Variants in SPICE1 observed in about 807,000 individuals in gnomAD.
SPICE1 encodes the protein spindle and centriole associated protein 1, also known as spindle and centriole-associated protein 1.
In SPICE1, 75 loss-of-function variants were observed where a neutral mutation model predicts 102.7. The observed-to-expected ratio is 0.73, with a 90% confidence interval of 0.61 to 0.88. SPICE1 has a LOEUF of 0.88. SPICE1 is among the 40% of genes least tolerant of loss of function. The pLI is 0.00. For synonymous variants in SPICE1, 308 were observed against 350.3 expected (o/e 0.88, Z 1.35); for missense variants, 979 against 1,020.1 (o/e 0.96, Z 0.55).
At chr3:113,452,291 C>T (rs1244374895) in intron 14 of SPICE1, among the ~76,000 whole-genome samples, 4 of 152,238 alleles carry the variant, frequency 2.6e-5, no homozygotes, top group Non-Finnish European at 5.9e-5. Context: ...TAGAAATGCA[C>T]AGGTCCTACC....
chr3:113,491,391 C>T (rs970065960), intron 6 of SPICE1, among the ~76,000 whole-genome samples: 2 of 151,622 alleles, frequency 1.3e-5, no homozygotes, highest in Admixed American at 6.6e-5. Context: ...GAGGCCGAGG[C>T]GGGCGGATCA....
intron 13 of SPICE1, among the ~76,000 whole-genome samples, chr3:113,455,429 TAA>T (rs1481564555): frequency 2.0e-5 from 3 of 152,196 alleles, no homozygotes; most frequent in African/African-American, 7.2e-5. Context: ...TATTCAAATT[TAA>T]GTTAATTAAA....
At chr3:113,484,057 T>C (rs2107484957) in intron 7 of SPICE1, among the ~76,000 whole-genome samples, 1 of 152,314 alleles carries the variant, frequency 6.6e-6, no homozygotes, top group East Asian at 1.9e-4. Context: ...ATTTCAGAAC[T>C]TGTTATTGGT....
chr3:113,499,705 T>G (rs1576647322), intron 3 of SPICE1, 123 bp from the exon 4 acceptor site: 1 of 956,690 alleles, frequency 1.0e-6, no homozygotes, highest in Non-Finnish European at 1.4e-6. Flanking sequence ...AATATGTGCA[T>G]GTTTATATAT....
intron 4 of SPICE1, among the ~76,000 whole-genome samples, chr3:113,495,565 C>A (rs1936864384): frequency 6.6e-6 from 1 of 152,208 alleles, no homozygotes; most frequent in African/African-American, 2.4e-5. Flanking sequence ...GTCAACAACC[C>A]TTCCCCAGCC....
At position 113,499,326 on chromosome 3, in the gene SPICE1, A is replaced by G. The variant is rs186332474; in HGVS notation, c.291+113T>C. 1.8e-4 allele frequency: 207 copies of G among 1,153,656 alleles called. 2 individuals carry two copies. In the East Asian group the frequency reaches 5.0e-3, roughly 28 times the overall value. The allele number at this position is 1,153,656 out of a possible 1,614,324, so 71.5% of individuals were successfully genotyped here. A position where few individuals can be genotyped will look rare whatever the true frequency, so the allele number is the denominator to read the frequency against. ...TTGAAGTCCACATGTAGATTATTGA[A>G]TAAGAATGCAGTGATTACTAGAGTC... On this transcript the variant is annotated intron_variant, in intron 4 of 17. Transcript: ENST00000295872.
intron 4 of SPICE1, 66 bp downstream of exon 4, chr3:113,499,373 A>C (rs775193522): frequency 3.3e-6 from 5 of 1,510,284 alleles, no homozygotes; most frequent in Non-Finnish European, 4.5e-6. Flanking sequence ...AATCAAATTG[A>C]AGAAAAACAA....
chr3:113,448,266 G>C, intron 15 of SPICE1, 126 bp from the exon 16 acceptor site: 1 of 770,654 alleles, frequency 1.3e-6, no homozygotes, highest in Non-Finnish European at 1.9e-6. Context: ...TTTAATCTTA[G>C]CCCAAGATAC....
chr3:113,446,601 A>T lies in SPICE1; in HGVS notation c.2502T>A (p.Asn834Lys). The T allele has an allele frequency of 6.2e-7, 1 of 1,613,276 alleles. No homozygotes were observed. Among genetic ancestry groups the T allele is most frequent in the Non-Finnish European group, 8.5e-7 (1 of 1,179,492 alleles). Residue 834 changes from asparagine (N) to lysine (K), a missense_variant, in exon 17 of 18, where the codon AAT becomes AAA. By Grantham distance (94) the Asn-to-Lys change is moderately conservative. Coordinates refer to ENST00000295872, the MANE Select transcript of SPICE1 (RefSeq NM_144718.4). ...TTTTAACGTGTACCTTTGCTCTTGG[A>T]TTAAGAGGTGTGAATCTCCCACTTC... is the stretch of plus-strand genomic sequence containing the variant. Reference protein sequence around the residue: ...TSGSGRFTPLNPRAKIEKQNE... With the variant: ...TSGSGRFTPLKPRAKIEKQNE...
chr3:113,481,521 C>T (rs1264905761), intron 7 of SPICE1, among the ~76,000 whole-genome samples: 2 of 151,894 alleles, frequency 1.3e-5, no homozygotes, highest in Non-Finnish European at 2.9e-5. Context: ...ACCCATCAAC[C>T]TGTCACCTAC....
chr3:113,457,068 G>T, intron 13 of SPICE1, 68 bp downstream of exon 13: 1 of 1,450,472 alleles, frequency 6.9e-7, no homozygotes, highest in Non-Finnish European at 9.5e-7. Context: ...ATGTAATGGT[G>T]AAAGTAATAC....
intron 7 of SPICE1, among the ~76,000 whole-genome samples, chr3:113,483,222 A>G (rs772818894): frequency 1.1e-4 from 17 of 152,180 alleles, no homozygotes; most frequent in Non-Finnish European, 4.4e-5. Context: ...TTATTGGTGT[A>G]TAAGAATGCT....
rs2107447084 is a variant in SPICE1, at chr3:113,453,878, T to C, written c.1730A>G (p.Gln577Arg). The C allele has an allele frequency of 1.9e-6, 3 of 1,614,222 alleles. No homozygotes were observed. Among genetic ancestry groups the C allele is most frequent in the East Asian group, 2.2e-5 (1 of 44,882 alleles). Residue 577 changes from glutamine (Q) to arginine (R), a missense_variant, in exon 14 of 18, where the codon CAA (glutamine) becomes CGA (arginine). Transcript: ENST00000295872. ...PPTVEIIEKE[Q>R]NWEEKTLPID... ...AGGTAAGGTCTTCTCTTCCCAATTTTGTTCCTTCTCAATTATTTCCACAGT... is the reference window on the plus strand; with the variant it reads ...AGGTAAGGTCTTCTCTTCCCAATTTCGTTCCTTCTCAATTATTTCCACAGT...
At chr3:113,489,152 T>C in intron 6 of SPICE1, 89 bp from the exon 7 acceptor site, 1 of 761,818 alleles carries the variant, frequency 1.3e-6, no homozygotes, top group Non-Finnish European at 2.2e-6. Flanking sequence ...CAGAAGAGAG[T>C]TCCCTCCTCC....
chr3:113,495,073 C>T (rs1332892155), intron 4 of SPICE1, among the ~76,000 whole-genome samples: 3 of 152,138 alleles, frequency 2.0e-5, no homozygotes, highest in African/African-American at 7.2e-5. Flanking sequence ...CAGTTTTTTA[C>T]CCTGGAGAGG....
At chr3:113,505,423 C>T (rs1425142307) in intron 2 of SPICE1, among the ~76,000 whole-genome samples, 2 of 152,080 alleles carry the variant, frequency 1.3e-5, no homozygotes, top group Admixed American at 6.5e-5. Flanking sequence ...AGAGAAGTCC[C>T]GCTGCCCCAC....
At chr3:113,453,185 A>C (rs1386507886) in intron 14 of SPICE1, among the ~76,000 whole-genome samples, 2 of 152,186 alleles carry the variant, frequency 1.3e-5, no homozygotes, top group Non-Finnish European at 2.9e-5. Context: ...TCTATATTTT[A>C]TACCTAAAAC....
chr3:113,506,104 C>T (rs1340487565), intron 2 of SPICE1, among the ~76,000 whole-genome samples: 2 of 152,106 alleles, frequency 1.3e-5, no homozygotes, highest in Non-Finnish European at 2.9e-5. Flanking sequence ...AAAACTGGCA[C>T]TCACATGGTT....
intron 7 of SPICE1, among the ~76,000 whole-genome samples, chr3:113,481,299 A>C (rs995969795): frequency 6.6e-6 from 1 of 152,208 alleles, no homozygotes; most frequent in Non-Finnish European, 1.5e-5. Flanking sequence ...CATTTAAAAG[A>C]ATAACAAAAG....
Sources: gnomAD v4.1 joint callset for allele counts (sites outside exome capture counted in the v4.1 genomes callset) on GRCh38, gnomAD v4.1.1 for gene constraint, MANE v1.5 for transcripts, NCBI Gene and HGNC (gene_info 2026-07-23, HGNC 2026-07-21) for gene names.